Variants in LRRC75B observed in about 807,000 individuals in gnomAD.
The protein encoded by LRRC75B is leucine-rich repeat-containing protein 75B.
Under a neutral mutation model 16.5 loss-of-function variants are expected in LRRC75B, and 20 were observed. The observed-to-expected ratio is 1.21, with a 90% CI of 0.85 to 1.76. The LOEUF (loss-of-function observed/expected upper bound fraction) is 1.76, where lower values mean the gene tolerates loss of function less well. LRRC75B is among the 40% of genes most tolerant of loss of function. The probability of loss-of-function intolerance (pLI) is 0.00; values close to 1 mark genes in which losing one functional copy is unlikely to be tolerated. For missense variants in LRRC75B, 406 were observed against 417.0 expected, an observed-to-expected ratio of 0.97 and a Z score of 0.23; for synonymous variants, 199 against 198.1, an observed-to-expected ratio of 1.00 and a Z score of -0.04.
At chr22:24,589,653 G>A in intron 2 of LRRC75B, 168 bp downstream of exon 2, 1 of 791,644 alleles carries the variant, frequency 1.3e-6, no homozygotes, top group South Asian at 2.0e-5. Context: ...CTGGTGGCCA[G>A]CCTAATATAC....
intron 2 of LRRC75B, chr22:24,588,563 C>T: frequency 1.2e-6 from 1 of 819,730 alleles, no homozygotes; most frequent in East Asian, 3.2e-5. Flanking sequence ...TCCCGCAGTG[C>T]CCGGCGGGAG....
intron 3 of LRRC75B, 51 bp from the exon 4 acceptor site, chr22:24,586,462 C>G (rs564982465): frequency 4.6e-4 from 713 of 1,559,498 alleles, no homozygotes; most frequent in Non-Finnish European, 5.8e-4. Flanking sequence ...GCAGTCCCCC[C>G]ACTGACCACA....
intron 1 of LRRC75B, chr22:24,592,436 G>T: frequency 2.1e-6 from 1 of 470,310 alleles, no homozygotes. Flanking sequence ...GGAGGAGGGG[G>T]AAGTTACCCT....
intron 2 of LRRC75B, chr22:24,589,241 G>A (rs1223531625): frequency 1.6e-6 from 2 of 1,266,660 alleles, no homozygotes; most frequent in Non-Finnish European, 2.1e-6. Flanking sequence ...ATCTGCAGGT[G>A]CTGTCAGCAT....
chr22:24,589,983 G>A (rs781212929), intron 1 of LRRC75B, 34 bp from the exon 2 acceptor site: 6 of 1,534,700 alleles, frequency 3.9e-6, no homozygotes, highest in East Asian at 2.4e-5. Context: ...GAGTGAGCCC[G>A]TTGGGTCTCC....
intron 1 of LRRC75B, 185 bp downstream of exon 1, chr22:24,592,678 A>T: frequency 1.8e-6 from 2 of 1,116,666 alleles, no homozygotes; most frequent in Non-Finnish European, 2.4e-6. Flanking sequence ...CCTCTCGCCC[A>T]CGCAAGACCC....
intron 3 of LRRC75B, 65 bp from the exon 4 acceptor site, chr22:24,586,476 A>C: frequency 6.5e-7 from 1 of 1,528,982 alleles, no homozygotes; most frequent in Non-Finnish European, 8.9e-7. Flanking sequence ...GACCACAGAC[A>C]GTGACCTGTC....
chr22:24,592,517 C>T (rs142887378), intron 1 of LRRC75B: 4,731 of 438,116 alleles, frequency 0.011, 35 homozygotes, highest in Middle Eastern at 0.022. Context: ...CCCATCTTGC[C>T]AGGGCCTGAA....
intron 2 of LRRC75B, 80 bp from the exon 3 acceptor site, chr22:24,588,409 G>A: frequency 4.5e-6 from 5 of 1,122,122 alleles, no homozygotes; most frequent in Non-Finnish European, 5.3e-6. Context: ...GACCCAGGCA[G>A]CCAAGTGTGT....
chr22:24,590,482 CA>C (rs1341262031), intron 1 of LRRC75B, among the ~76,000 whole-genome samples: 1 of 152,068 alleles, frequency 6.6e-6, no homozygotes, highest in Non-Finnish European at 1.5e-5. Flanking sequence ...AAGTGAATCC[CA>C]GAACCCTTAG....
rs966165440 is a variant in LRRC75B, at chr22:24,592,939, C to T, written c.101G>A (p.Trp34Ter). Residue 34 changes from tryptophan (W) to a stop codon, truncating the protein, a stop_gained, in exon 1 of 4, where the codon TGG becomes TAG. Coordinates refer to ENST00000318753, the MANE Select transcript of LRRC75B (RefSeq NM_207644.3). LOFTEE classifies it high-confidence loss of function. ...GAGCGTGGACTGGATCTCGCGGAGC[C>T]ACCGCACCCGGCGCTCGTAGGGCGC... ...GPAPYERRVR[W>*]LREIQSTLRE... 20 of 1,232,640 alleles carry T rather than the reference C, an allele frequency of 1.6e-5. No homozygotes were observed. In the East Asian group the frequency reaches 2.0e-4, roughly 12 times the overall value. 76.4% of individuals were successfully genotyped at this position (1,232,640 alleles called of 1,614,324 possible).
intron 1 of LRRC75B, chr22:24,592,432 G>A (rs1039015155): frequency 2.1e-6 from 1 of 470,476 alleles, no homozygotes; most frequent in Non-Finnish European, 4.4e-6. Context: ...TCCTGGAGGA[G>A]GGGGAAGTTA....
intron 2 of LRRC75B, 119 bp downstream of exon 2, chr22:24,589,702 G>T: frequency 8.4e-7 from 1 of 1,193,762 alleles, no homozygotes; most frequent in Non-Finnish European, 1.1e-6. Flanking sequence ...ACAGTGACTT[G>T]CCTAAGGCCA....
intron 2 of LRRC75B, chr22:24,589,415 A>G: frequency 2.9e-6 from 3 of 1,035,210 alleles, no homozygotes; most frequent in Non-Finnish European, 3.6e-6. Context: ...CGGGGGCTCT[A>G]GCCGAGAGCG....
chr22:24,587,094 A>T (rs1601586274), intron 3 of LRRC75B, among the ~76,000 whole-genome samples: 1 of 152,320 alleles, frequency 6.6e-6, no homozygotes, highest in Middle Eastern at 3.4e-3. Context: ...TCAAACTGAG[A>T]TGCTCTGACT....
chr22:24,589,837 A>C lies in LRRC75B; in HGVS notation c.290T>G (p.Leu97Arg), dbSNP rs750972215. 3.1e-6 allele frequency: 5 copies of C among 1,613,142 alleles called. No individual in the cohort carries two copies. Among genetic ancestry groups the C allele is most frequent in the South Asian group, 1.1e-5 (1 of 90,916 alleles). Residue 97 changes from leucine to arginine, a missense_variant, in exon 2 of 4, where the codon CTG becomes CGG. Leu to Arg is a moderately radical substitution (Grantham distance 102). Coordinates refer to ENST00000318753, the MANE Select transcript of LRRC75B (RefSeq NM_207644.3). ...CAGCCTCACCTTCTTGGGGCACTGC[A>C]GGTCCCGGGCCAGGTTCACAAGCAG... ...HDLLVNLARDLQCPKKDYELW... is the reference protein window; with the variant it reads ...HDLLVNLARDRQCPKKDYELW...
intron 2 of LRRC75B, chr22:24,588,960 T>G: frequency 9.9e-7 from 1 of 1,006,268 alleles, no homozygotes; most frequent in South Asian, 4.0e-5. Flanking sequence ...CTGAGCATGC[T>G]CCACTGCATC....
Position 24,589,405 on chromosome 22 carries a change from C to T in LRRC75B, c.306+416G>A, listed in dbSNP as rs12170280. 3,079 of 1,057,800 alleles carry T rather than the reference C, an allele frequency of 2.9e-3. 7 individuals carry two copies. Among genetic ancestry groups the T allele is most frequent in the African/African-American group, 9.1e-3 (528 of 58,022 alleles). 65.5% of individuals were successfully genotyped at this position (1,057,800 alleles called of 1,614,324 possible). On this transcript the variant is annotated intron_variant, in intron 2 of 3. Coordinates refer to ENST00000318753, the MANE Select transcript of LRRC75B (RefSeq NM_207644.3). ...TACAGGATGGAGACCTGCGGACAGA[C>T]GGGGGCTCTAGCCGAGAGCGGCTCT...
chr22:24,589,945 A>G lies in LRRC75B; in HGVS notation c.182T>C (p.Leu61Pro). ...RQLLRLLRQD[L>P]GLERTLLPDI... is the part of the protein sequence containing the mutation. ...AGGAAGGAGGGTCCTCTCAAGGCCCAGGTCCTGTGAGTGGTGAAGAGAGAG... is the reference window on the plus strand; with the variant it reads ...AGGAAGGAGGGTCCTCTCAAGGCCCGGGTCCTGTGAGTGGTGAAGAGAGAG... The change falls in exon 2 of 4, where the codon CTG becomes CCG. Residue 61 changes from leucine to proline, a missense_variant. Physicochemically the swap from Leu to Pro is moderately conservative, Grantham distance 98. Transcript: ENST00000318753. 1.3e-6 allele frequency: 2 copies of G among 1,593,742 alleles called. No homozygotes were observed. Among genetic ancestry groups the G allele is most frequent in the East Asian group, 2.3e-5 (1 of 44,146 alleles).
Sources: allele counts gnomAD v4.1 joint callset (sites outside exome capture counted in the v4.1 genomes callset), GRCh38; gene constraint gnomAD v4.1.1; transcripts MANE v1.5; gene names NCBI Gene and HGNC (gene_info 2026-07-23, HGNC 2026-07-21).